Variants in CIRSR observed in about 807,000 individuals in gnomAD.
CIRSR encodes the protein corepressor of RBPJ and splicing regulator, also known as CBF1 (RBPJ) interacting corepressor 1.
the CIRSR span, among the ~76,000 whole-genome samples, chr2:174,383,809 C>A: frequency 1.6e-5 from 2 of 125,856 alleles, no homozygotes; most frequent in South Asian, 2.3e-4. Flanking sequence ...ATCAAAATCA[C>A]AATGAGATAT....
chr2:174,350,286 ATT>A, the CIRSR span, among the ~76,000 whole-genome samples: 1 of 152,318 alleles, frequency 6.6e-6, no homozygotes, highest in East Asian at 1.9e-4. Flanking sequence ...AAATTTAAGC[ATT>A]CTTTCTGCAT....
chr2:174,380,390 T>C, the CIRSR span: 1 of 664,680 alleles, frequency 1.5e-6, no homozygotes, highest in Non-Finnish European at 2.5e-6. Context: ...AACTATAAAA[T>C]CTATCTAGTA....
the CIRSR span, among the ~76,000 whole-genome samples, chr2:174,367,747 A>T: frequency 6.9e-6 from 1 of 145,748 alleles, no homozygotes; most frequent in Non-Finnish European, 1.5e-5. Flanking sequence ...CTGTCTCTTA[A>T]AAAAAAAAAA....
the CIRSR span, among the ~76,000 whole-genome samples, chr2:174,379,890 A>AT: frequency 5.9e-5 from 9 of 151,278 alleles, no homozygotes; most frequent in Non-Finnish European, 1.2e-4. Context: ...TGGCTAGCTA[A>AT]TTTTTTGCAT....
chr2:174,354,407 TATTA>T, the CIRSR span, among the ~76,000 whole-genome samples: 1 of 93,796 alleles, frequency 1.1e-5, no homozygotes, highest in Non-Finnish European at 1.9e-5. Context: ...ATATTTTATA[TATTA>T]TATATAATAT....
the CIRSR span, among the ~76,000 whole-genome samples, chr2:174,376,267 T>C: frequency 6.6e-6 from 1 of 152,186 alleles, no homozygotes; most frequent in Admixed American, 6.5e-5. Context: ...GCTCAATTCA[T>C]TTAGATAGAG....
the CIRSR span, among the ~76,000 whole-genome samples, chr2:174,383,266 A>G: frequency 6.6e-6 from 1 of 152,208 alleles, no homozygotes; most frequent in Non-Finnish European, 1.5e-5. Context: ...AAGGCAGGGG[A>G]ATGAGAAGTG....
chr2:174,383,366 TAAAAA>T, the CIRSR span, among the ~76,000 whole-genome samples: 45,149 of 151,770 alleles, frequency 0.3, 8,269 homozygotes, highest in East Asian at 0.69. Flanking sequence ...TAAATATACT[TAAAAA>T]CAACAAACAC....
chr2:174,381,266 A>G, the CIRSR span, among the ~76,000 whole-genome samples: 5 of 152,226 alleles, frequency 3.3e-5, no homozygotes, highest in Admixed American at 6.6e-5. Flanking sequence ...TCTTCACAGG[A>G]TAACAGCAAT....
At chr2:174,385,958 T>C in the CIRSR span, among the ~76,000 whole-genome samples, 9 of 152,114 alleles carry the variant, frequency 5.9e-5, no homozygotes, top group South Asian at 1.9e-3. Flanking sequence ...TAGGCAAAAG[T>C]CCAAGGAGAA....
the CIRSR span, among the ~76,000 whole-genome samples, chr2:174,376,935 G>A: frequency 6.6e-6 from 1 of 152,068 alleles, no homozygotes. Flanking sequence ...TTAAAAACAG[G>A]TTAACTATTC....
At chr2:174,368,765 T>C in the CIRSR span, among the ~76,000 whole-genome samples, 1 of 152,312 alleles carries the variant, frequency 6.6e-6, no homozygotes, top group Admixed American at 6.5e-5. Flanking sequence ...ACTAGGTGCA[T>C]TGTAAATGAG....
the CIRSR span, among the ~76,000 whole-genome samples, chr2:174,355,668 C>T: frequency 1.3e-5 from 2 of 152,166 alleles, no homozygotes; most frequent in Non-Finnish European, 2.9e-5. Context: ...TTATGCTATA[C>T]AAAATTATGT....
At chr2:174,366,320 A>G in the CIRSR span, among the ~76,000 whole-genome samples, 1 of 152,288 alleles carries the variant, frequency 6.6e-6, no homozygotes, top group Admixed American at 6.5e-5. Context: ...AAAACTAACG[A>G]TATATACCAA....
At chr2:174,374,075 C>G in the CIRSR span, among the ~76,000 whole-genome samples, 2 of 152,226 alleles carry the variant, frequency 1.3e-5, no homozygotes, top group Middle Eastern at 3.2e-3. Context: ...TTAAGTGAAC[C>G]TTTACATTAG....
At chr2:174,361,892 T>G in the CIRSR span, among the ~76,000 whole-genome samples, 3 of 152,334 alleles carry the variant, frequency 2.0e-5, no homozygotes, top group East Asian at 5.8e-4. Flanking sequence ...GTATAGTGTA[T>G]CTGGTGACAT....
chr2:174,348,894 T>C, the CIRSR span: 2 of 1,614,258 alleles, frequency 1.2e-6, no homozygotes, highest in Non-Finnish European at 1.7e-6. Flanking sequence ...AAGTTCTTCA[T>C]GAAGCTTTCT....
the CIRSR span, chr2:174,348,519 G>GT: frequency 2.4e-5 from 38 of 1,612,010 alleles, no homozygotes; most frequent in Admixed American, 1.7e-5. Context: ...TGTCACTTTA[G>GT]TATGTGTACC....
At chr2:174,351,463 T>C in the CIRSR span, among the ~76,000 whole-genome samples, 6,542 of 152,318 alleles carry the variant, frequency 0.043, 190 homozygotes, top group Middle Eastern at 0.065. Context: ...TAGATTAAAA[T>C]AATAAAGCAA....
Sources: allele counts gnomAD v4.1 joint callset (sites outside exome capture counted in the v4.1 genomes callset), GRCh38; gene constraint gnomAD v4.1.1; transcripts MANE v1.5; gene names NCBI Gene and HGNC (gene_info 2026-07-23, HGNC 2026-07-21).